SNTG1: variants seen among roughly 807,000 people sequenced by gnomAD.
SNTG1 encodes gamma-1-syntrophin.
SNTG1 carries 39 observed loss-of-function variants against 74.7 expected under a neutral mutation model. That is an observed-to-expected ratio of 0.52 (90% CI 0.40 to 0.68). The LOEUF (loss-of-function observed/expected upper bound fraction) is 0.68. Ranked by LOEUF, SNTG1 falls within the 30% of genes least tolerant of loss-of-function variation. The pLI is 0.00. For synonymous variants in SNTG1, 254 were observed against 217.1 expected (o/e 1.17, Z -1.49); for missense variants, 685 against 609.5 (o/e 1.12, Z -1.30).
chr8:50,314,288 C>T (rs779665531), intron 2 of SNTG1, among the ~76,000 whole-genome samples: 5 of 149,090 alleles, frequency 3.4e-5, no homozygotes, highest in Non-Finnish European at 7.4e-5. Context: ...TTAAAGTTTT[C>T]CTTTTTATCT....
At chr8:49,986,986 T>G (rs1315786243) in intron 1 of SNTG1, among the ~76,000 whole-genome samples, 1 of 152,240 alleles carries the variant, frequency 6.6e-6, no homozygotes, top group African/African-American at 2.4e-5. Flanking sequence ...ATCCCAAAAT[T>G]CCTAGCTAGA....
intron 17 of SNTG1, among the ~76,000 whole-genome samples, chr8:50,738,047 A>C (rs149119673): frequency 0.014 from 2,056 of 152,238 alleles, 37 homozygotes; most frequent in African/African-American, 0.043. Flanking sequence ...TAGTATTGGA[A>C]GTTCTGGCCA....
intron 13 of SNTG1, among the ~76,000 whole-genome samples, chr8:50,638,577 A>G (rs1323141079): frequency 6.6e-6 from 1 of 152,118 alleles, no homozygotes; most frequent in Admixed American, 6.6e-5. Context: ...CTATGTCTTA[A>G]CAGAAAATAC....
chr8:50,652,354 T>C (rs544811654), intron 13 of SNTG1, among the ~76,000 whole-genome samples: 1 of 152,194 alleles, frequency 6.6e-6, no homozygotes, highest in Non-Finnish European at 1.5e-5. Flanking sequence ...ATTGTATTAA[T>C]TGAATTGTTC....
chr8:50,374,937 A>G (rs2092345566), intron 2 of SNTG1, among the ~76,000 whole-genome samples: 1 of 152,130 alleles, frequency 6.6e-6, no homozygotes, highest in African/African-American at 2.4e-5. Flanking sequence ...CAAACTCACT[A>G]CCTCAGGCAC....
intron 4 of SNTG1, among the ~76,000 whole-genome samples, chr8:50,423,398 C>G (rs1384884247): frequency 1.3e-5 from 2 of 152,180 alleles, no homozygotes; most frequent in Non-Finnish European, 2.9e-5. Context: ...GTTCTGAATT[C>G]TGCATTTAAG....
At chr8:50,557,062 TACTTCTTATTATAA>T (rs1024940012) in intron 12 of SNTG1, among the ~76,000 whole-genome samples, 6 of 152,084 alleles carry the variant, frequency 3.9e-5, no homozygotes, top group Admixed American at 3.9e-4. Flanking sequence ...ACAAGTTATT[TACTTCTTATTATAA>T]CCTTGGGCCC....
At chr8:50,180,409 G>T (rs980264359) in intron 2 of SNTG1, among the ~76,000 whole-genome samples, 1 of 152,144 alleles carries the variant, frequency 6.6e-6, no homozygotes, top group African/African-American at 2.4e-5. Context: ...TTTCTGAAGA[G>T]AGTAGACTTT....
At chr8:49,913,422 G>A (rs951008326) in intron 1 of SNTG1, among the ~76,000 whole-genome samples, 1 of 152,144 alleles carries the variant, frequency 6.6e-6, no homozygotes, top group Non-Finnish European at 1.5e-5. Context: ...ATCATTGGAG[G>A]CCGTTACAGT....
rs74450104 is a variant in SNTG1, at chr8:50,662,506, G to A, written c.1038+3843G>A. On this transcript the variant is annotated intron_variant, in intron 15 of 18. Coordinates refer to ENST00000642720, the MANE Select transcript of SNTG1 (RefSeq NM_018967.5). ...CCCATTTTAGAGATTTGGAAACTGAGGCAAAAAGCAGTTTAAGTAAATAGC... is the reference window on the plus strand; with the variant it reads ...CCCATTTTAGAGATTTGGAAACTGAAGCAAAAAGCAGTTTAAGTAAATAGC... Among the ~76,000 whole-genome samples, 58 of 152,248 alleles carry A rather than the reference G, an allele frequency of 3.8e-4. No individual in the cohort carries two copies. In the East Asian group the frequency reaches 8.5e-3, roughly 22 times the overall value.
At chr8:50,748,928 A>C (rs113826618) in intron 17 of SNTG1, among the ~76,000 whole-genome samples, 57 of 152,122 alleles carry the variant, frequency 3.7e-4, no homozygotes, top group African/African-American at 1.2e-3. Context: ...AAGCTAATTA[A>C]TAATCCTGCA....
At chr8:49,985,424 C>G (rs759842921) in intron 1 of SNTG1, among the ~76,000 whole-genome samples, 8 of 146,984 alleles carry the variant, frequency 5.4e-5, no homozygotes, top group Non-Finnish European at 9.1e-5. Flanking sequence ...GCCACCGCAC[C>G]GAGCCTACAA....
chr8:49,995,699 A>G (rs1044803522), intron 1 of SNTG1, among the ~76,000 whole-genome samples: 1 of 152,222 alleles, frequency 6.6e-6, no homozygotes, highest in African/African-American at 2.4e-5. Context: ...TCTGCTCATT[A>G]GAGAGAGAAT....
At chr8:49,938,593 T>TTTTCC (rs1808335504) in intron 1 of SNTG1, among the ~76,000 whole-genome samples, 1 of 21,214 alleles carries the variant, frequency 4.7e-5, no homozygotes, top group African/African-American at 1.2e-4. Context: ...TTTTCTTTTC[T>TTTTCC]TTTCTTTTCT....
intron 1 of SNTG1, among the ~76,000 whole-genome samples, chr8:50,146,638 G>T (rs1438566781): frequency 6.6e-6 from 1 of 152,166 alleles, no homozygotes; most frequent in Non-Finnish European, 1.5e-5. Context: ...CATCCAGAGT[G>T]GCTATGTCGT....
intron 4 of SNTG1, among the ~76,000 whole-genome samples, chr8:50,412,012 A>T (rs892897420): frequency 3.0e-4 from 46 of 152,170 alleles, no homozygotes; most frequent in African/African-American, 1.1e-3. Flanking sequence ...TGTTATTTGA[A>T]GGCTCCTCCA....
At chr8:50,095,848 A>G (rs1232344404) in intron 1 of SNTG1, among the ~76,000 whole-genome samples, 1 of 152,082 alleles carries the variant, frequency 6.6e-6, no homozygotes, top group Non-Finnish European at 1.5e-5. Context: ...TTTTTTTCAA[A>G]TTCTCCAAAG....
chr8:50,000,317 C>A (rs1448896565), intron 1 of SNTG1, among the ~76,000 whole-genome samples: 1 of 152,126 alleles, frequency 6.6e-6, no homozygotes, highest in Non-Finnish European at 1.5e-5. Context: ...GAAGTATCAT[C>A]TAGTATATTT....
intron 12 of SNTG1, among the ~76,000 whole-genome samples, chr8:50,583,299 G>A (rs1436774953): frequency 6.6e-6 from 1 of 151,236 alleles, no homozygotes; most frequent in African/African-American, 2.4e-5. Context: ...TGACTTGGGA[G>A]GCTGAGGTGG....
Sources: gnomAD v4.1 joint callset for allele counts (sites outside exome capture counted in the v4.1 genomes callset) on GRCh38, gnomAD v4.1.1 for gene constraint, MANE v1.5 for transcripts, NCBI Gene and HGNC (gene_info 2026-07-23, HGNC 2026-07-21) for gene names.